Variants in USP6NL observed in about 807,000 individuals in gnomAD.
USP6NL encodes the protein USP6 N-terminal-like protein.
In USP6NL, 26 loss-of-function variants were observed where a neutral mutation model predicts 61.9. The ratio of observed to expected loss-of-function variants is 0.42; its 90% confidence interval spans 0.31 to 0.58. The LOEUF is 0.58. Among genes scored for constraint, USP6NL ranks in the 20% least tolerant of loss-of-function variants. The pLI is 0.16. For missense variants in USP6NL, 1,114 were observed against 1,034.3 expected (o/e 1.08, Z -1.06); for synonymous variants, 432 against 390.1 (o/e 1.11, Z -1.27).
intron 2 of USP6NL, among the ~76,000 whole-genome samples, chr10:11,570,550 A>T (rs925889750): frequency 6.6e-6 from 1 of 152,216 alleles, no homozygotes; most frequent in African/African-American, 2.4e-5. Flanking sequence ...GAAAATGCAA[A>T]ATGAATTTGA....
At chr10:11,609,318 C>G (rs892075034) in intron 1 of USP6NL, among the ~76,000 whole-genome samples, 11 of 152,128 alleles carry the variant, frequency 7.2e-5, no homozygotes, top group African/African-American at 9.7e-5. Flanking sequence ...TCATCTGCCT[C>G]GGCCTCCCAA....
intron 14 of USP6NL, among the ~76,000 whole-genome samples, chr10:11,471,882 G>T (rs1200527824): frequency 6.6e-6 from 1 of 151,082 alleles, no homozygotes; most frequent in African/African-American, 2.4e-5. Flanking sequence ...TGTAAATGAC[G>T]AGTTAATGGG....
intron 2 of USP6NL, among the ~76,000 whole-genome samples, chr10:11,549,302 A>T (rs1836400265): frequency 1.3e-5 from 2 of 152,206 alleles, no homozygotes; most frequent in African/African-American, 2.4e-5. Flanking sequence ...CAGGACATAC[A>T]TGCTTTCTTT....
chr10:11,465,830 A>C lies in USP6NL; in HGVS notation c.1079-1981T>G, dbSNP rs1832427562. Among the ~76,000 whole-genome samples the C allele has an allele frequency of 6.6e-6, 1 of 152,172 alleles. No homozygotes were observed. Among genetic ancestry groups the C allele is most frequent in the African/African-American group, 2.4e-5 (1 of 41,432 alleles). ...TCTATATCCCCAATCTCAAAACTGG[A>C]TTGTTTTAAATAAATTTTAGGGACT... On this transcript the variant is annotated intron_variant, in intron 14 of 14. Transcript: ENST00000609104. The surrounding 1 kb of genome is among the most constrained non-coding windows in gnomAD (Gnocchi z 4.5).
intron 1 of USP6NL, among the ~76,000 whole-genome samples, chr10:11,605,508 T>G (rs1838677825): frequency 6.6e-6 from 1 of 152,156 alleles, no homozygotes; most frequent in Non-Finnish European, 1.5e-5. Flanking sequence ...GATAAGCAGG[T>G]ATACAAGGAG....
Sources: gnomAD v4.1 joint callset for allele counts (sites outside exome capture counted in the v4.1 genomes callset) on GRCh38, gnomAD v4.1.1 for gene constraint, Gnocchi (gnomAD v3.1) non-coding constraint, MANE v1.5 for transcripts, NCBI Gene and HGNC (gene_info 2026-07-23, HGNC 2026-07-21) for gene names.